Variants in HDGFL2 observed in about 807,000 individuals in gnomAD.
The protein encoded by HDGFL2 is HDGF like 2.
HDGFL2 carries 36 observed loss-of-function variants against 77.1 expected under a neutral mutation model. The observed-to-expected ratio is 0.47, with a 90% CI of 0.36 to 0.62. HDGFL2 has a LOEUF of 0.62. Ranked by LOEUF, HDGFL2 falls within the 20% of genes least tolerant of loss-of-function variation. The pLI is 0.00. For synonymous variants in HDGFL2, 463 were observed against 413.1 expected (o/e 1.12, Z -1.46); for missense variants, 976 against 973.4 (o/e 1.00, Z -0.04).
chr19:4,483,525 C>T (rs1599706218), intron 3 of HDGFL2, among the ~76,000 whole-genome samples: 1 of 152,188 alleles, frequency 6.6e-6, no homozygotes, highest in East Asian at 1.9e-4. Context: ...GCTGGCCTCG[C>T]CTGCAGCATC....
chr19:4,497,030 A>T, intron 10 of HDGFL2: 1 of 389,184 alleles, frequency 2.6e-6, no homozygotes, highest in South Asian at 1.9e-5. Flanking sequence ...ACCCGCCACC[A>T]CGCCTGGCTA....
intron 3 of HDGFL2, among the ~76,000 whole-genome samples, chr19:4,477,350 C>T (rs1232004709): frequency 2.6e-5 from 4 of 151,942 alleles, no homozygotes; most frequent in Non-Finnish European, 5.9e-5. Context: ...ATCTGGCAGC[C>T]CCTTCTCAGG....
intron 3 of HDGFL2, 63 bp from the exon 4 acceptor site, chr19:4,488,613 T>C: frequency 1.4e-6 from 2 of 1,445,266 alleles, no homozygotes; most frequent in Non-Finnish European, 1.9e-6. Context: ...TGGGTCATAG[T>C]CCTGATGGGG....
chr19:4,496,964 C>A (rs763290778), intron 10 of HDGFL2: 2 of 385,926 alleles, frequency 5.2e-6, no homozygotes, highest in South Asian at 3.9e-5. Flanking sequence ...ACCTCCGCCT[C>A]CCGGGTTCAA....
chr19:4,500,896 G>A (rs1454121017), intron 14 of HDGFL2, among the ~76,000 whole-genome samples: 2 of 152,206 alleles, frequency 1.3e-5, no homozygotes, highest in African/African-American at 2.4e-5. Context: ...CCCCGTGCCC[G>A]ACCTTGTCTT....
In HDGFL2 at chr19:4,493,979, T is replaced by C; in HGVS notation, c.839-3T>C. On this transcript the variant is annotated splice_region_variant and splice_polypyrimidine_tract_variant and intron_variant, in intron 7 of 15. Coordinates refer to ENST00000616600, the MANE Select transcript of HDGFL2 (RefSeq NM_001001520.3). The stretch of plus-strand genomic sequence containing the variant: ...AGGTCACCCCCTCCTCCTCTTCCTG[T>C]AGCGGAGAAGCCTCTCCCGAAGCCG... The C allele has an allele frequency of 3.1e-6, 5 of 1,607,532 alleles. No individual in the cohort carries two copies. The highest frequency in any genetic ancestry group is 4.2e-6 in the Non-Finnish European group (5 of 1,177,556).
At chr19:4,475,978 C>T (rs1975062874) in intron 3 of HDGFL2, among the ~76,000 whole-genome samples, 2 of 151,738 alleles carry the variant, frequency 1.3e-5, no homozygotes, top group African/African-American at 2.4e-5. Context: ...CAAGCTCCGC[C>T]TCCTGTATTC....
intron 10 of HDGFL2, 117 bp downstream of exon 10, chr19:4,496,522 G>A: frequency 1.3e-6 from 1 of 777,646 alleles, no homozygotes; most frequent in South Asian, 1.6e-5. Flanking sequence ...GCCGGACCCG[G>A]TTGAAGTTCC....
At chr19:4,491,472 C>T in intron 4 of HDGFL2, 94 bp from the exon 5 acceptor site, 1 of 1,038,464 alleles carries the variant, frequency 9.6e-7, no homozygotes. Flanking sequence ...GGTTCCAGAG[C>T]TCAGCTGTCG....
At chr19:4,494,790 C>T (rs113592147) in intron 9 of HDGFL2, among the ~76,000 whole-genome samples, 6,365 of 152,124 alleles carry the variant, frequency 0.042, 433 homozygotes, top group African/African-American at 0.14. Context: ...TGGTGGTGTG[C>T]GCCTGTATAG....
At chr19:4,493,074 G>T (rs1599717477) in intron 6 of HDGFL2, among the ~76,000 whole-genome samples, 2 of 63,152 alleles carry the variant, frequency 3.2e-5, no homozygotes, top group African/African-American at 8.1e-5. Context: ...GTCTGTGTGT[G>T]GTGTGTGTGT....
chr19:4,487,575 C>G (rs989128187), intron 3 of HDGFL2, among the ~76,000 whole-genome samples: 10 of 152,134 alleles, frequency 6.6e-5, no homozygotes, highest in African/African-American at 2.2e-4. Context: ...ATCCTTACAA[C>G]CATACGCCCG....
Position 4,501,214 on chromosome 19 carries a change from G to A in HDGFL2, c.1813G>A (p.Glu605Lys), listed in dbSNP as rs755573744. 8 of 1,613,468 alleles carry A rather than the reference G, an allele frequency of 5.0e-6. No homozygotes were observed. The highest frequency in any genetic ancestry group is 1.3e-5 in the African/African-American group (1 of 74,930). ...AGATCTCTCAGCCCCAGTGAATGGC[G>A]AGGCCACATCACAGAAGGGGGAGAG... The part of the protein sequence containing the change: ...STDLSAPVNG[E>K]ATSQKGESAE... The change falls in exon 15 of 16, where the codon GAG (glutamate) becomes AAG (lysine). Residue 605 changes from glutamate (E) to lysine (K), a missense_variant. Physicochemically the swap from Glu to Lys is moderately conservative, Grantham distance 56. Transcript: ENST00000616600.
chr19:4,489,812 T>C (rs1975460800), intron 4 of HDGFL2, among the ~76,000 whole-genome samples: 1 of 152,220 alleles, frequency 6.6e-6, no homozygotes, highest in Admixed American at 6.5e-5. Context: ...CAGTGGTTTT[T>C]AGTGTGTTCA....
chr19:4,493,198 GTGTC>G (rs140614671), intron 6 of HDGFL2, among the ~76,000 whole-genome samples: 14,499 of 138,944 alleles, frequency 0.1, 890 homozygotes, highest in South Asian at 0.21. Flanking sequence ...TGTGTTGTCT[GTGTC>G]TGTGCGGTGT....
intron 3 of HDGFL2, among the ~76,000 whole-genome samples, chr19:4,485,126 A>T (rs2145176279): frequency 6.6e-6 from 1 of 152,244 alleles, no homozygotes; most frequent in South Asian, 2.1e-4. Context: ...TCAACGCTTC[A>T]CAAAGGAATC....
chr19:4,485,687 AACCGAGATGGCACC>A (rs1050537125), intron 3 of HDGFL2, among the ~76,000 whole-genome samples: 1 of 151,830 alleles, frequency 6.6e-6, no homozygotes, highest in Non-Finnish European at 1.5e-5. Context: ...GCTTGCAGTG[AACCGAGATGGCACC>A]ACTGCCCTCC....
chr19:4,477,677 TAAAC>T (rs767110386), intron 3 of HDGFL2, among the ~76,000 whole-genome samples: 1 of 152,164 alleles, frequency 6.6e-6, no homozygotes, highest in Non-Finnish European at 1.5e-5. Flanking sequence ...GAAAGGAAAT[TAAAC>T]AAGCCCTGTA....
chr19:4,485,565 C>T (rs776240104), intron 3 of HDGFL2, among the ~76,000 whole-genome samples: 18 of 151,300 alleles, frequency 1.2e-4, no homozygotes, highest in African/African-American at 3.2e-4. Context: ...AGTGAAACCA[C>T]GTCTCAACTA....
Sources: gnomAD v4.1 joint callset for allele counts (sites outside exome capture counted in the v4.1 genomes callset) on GRCh38, gnomAD v4.1.1 for gene constraint, MANE v1.5 for transcripts, NCBI Gene and HGNC (gene_info 2026-07-23, HGNC 2026-07-21) for gene names.